Variants in ROBO1 observed in about 807,000 individuals in gnomAD.
ROBO1 encodes roundabout guidance receptor 1.
ROBO1 carries 149 observed loss-of-function variants against 195.9 expected under a neutral mutation model. That is an observed-to-expected ratio of 0.76 (90% confidence interval 0.67 to 0.87). ROBO1 has a LOEUF of 0.87. ROBO1 is among the 40% of genes least tolerant of loss of function. ROBO1 has a pLI of 0.00. For synonymous variants in ROBO1, 816 were observed against 733.2 expected (o/e 1.11, Z -1.82); for missense variants, 1,933 against 2,068.3 (o/e 0.93, Z 1.27).
intron 5 of ROBO1, among the ~76,000 whole-genome samples, chr3:78,725,188 A>T (rs907133359): frequency 5.9e-5 from 9 of 152,212 alleles, no homozygotes; most frequent in Admixed American, 4.6e-4. Context: ...CATAAGCGCT[A>T]GACAGTGCTT....
chr3:78,682,670 T>C (rs1306862967), intron 10 of ROBO1, among the ~76,000 whole-genome samples: 13 of 147,410 alleles, frequency 8.8e-5, no homozygotes, highest in Non-Finnish European at 3.0e-5. Context: ...TATATACGTA[T>C]ATATACACGT....
At chr3:78,916,629 A>T (rs1425246191) in intron 4 of ROBO1, among the ~76,000 whole-genome samples, 1 of 152,044 alleles carries the variant, frequency 6.6e-6, no homozygotes, top group Non-Finnish European at 1.5e-5. Flanking sequence ...ATCTTTTATC[A>T]ATATTTCTTA....
chr3:78,611,582 G>A (rs890845033), intron 28 of ROBO1, among the ~76,000 whole-genome samples: 18 of 152,268 alleles, frequency 1.2e-4, no homozygotes, highest in South Asian at 2.1e-4. Context: ...TTCTCCCTGC[G>A]TGCTTACGAG....
chr3:79,486,317 G>A (rs1382210523), intron 2 of ROBO1, among the ~76,000 whole-genome samples: 1 of 151,684 alleles, frequency 6.6e-6, no homozygotes, highest in Non-Finnish European at 1.5e-5. Flanking sequence ...CTTCTTTAAT[G>A]TACAAAGGTA....
chr3:79,092,473 G>T (rs771402960), intron 3 of ROBO1, among the ~76,000 whole-genome samples: 2 of 152,108 alleles, frequency 1.3e-5, no homozygotes, highest in African/African-American at 4.8e-5. Flanking sequence ...ATTGAGAATT[G>T]CCAGACAGAG....
At chr3:78,811,057 T>G (rs1158578386) in intron 4 of ROBO1, among the ~76,000 whole-genome samples, 3 of 152,132 alleles carry the variant, frequency 2.0e-5, no homozygotes, top group African/African-American at 7.2e-5. Flanking sequence ...CATGAAATTA[T>G]GCTCTCTCAC....
At chr3:78,828,082 G>A (rs191425323) in intron 4 of ROBO1, among the ~76,000 whole-genome samples, 4 of 152,260 alleles carry the variant, frequency 2.6e-5, no homozygotes, top group Admixed American at 2.0e-4. Context: ...TCCAAACTCT[G>A]TTGCTAGATT....
At chr3:79,729,181 C>G (rs982758227) in intron 1 of ROBO1, among the ~76,000 whole-genome samples, 2 of 151,982 alleles carry the variant, frequency 1.3e-5, no homozygotes, top group African/African-American at 4.8e-5. Flanking sequence ...TTTTCCCAAT[C>G]CCTTAGGAAA....
intron 3 of ROBO1, chr3:79,019,435 A>T: frequency 4.1e-6 from 4 of 986,164 alleles, no homozygotes; most frequent in Non-Finnish European, 4.8e-6. Context: ...TTCTGCTCTC[A>T]CGCTGCCTCC....
chr3:78,653,362 G>C (rs1305110505), intron 18 of ROBO1, among the ~76,000 whole-genome samples: 2 of 152,112 alleles, frequency 1.3e-5, no homozygotes, highest in African/African-American at 2.4e-5. Flanking sequence ...ACCCCTCATG[G>C]ACTGTGCAGA....
intron 1 of ROBO1, among the ~76,000 whole-genome samples, chr3:79,708,948 C>A (rs1202526279): frequency 2.6e-5 from 4 of 151,352 alleles, no homozygotes; most frequent in African/African-American, 9.7e-5. Flanking sequence ...ATTTTTTTTT[C>A]TTTATACCAG....
chr3:79,024,742 T>C (rs1420358038), intron 3 of ROBO1, among the ~76,000 whole-genome samples: 3 of 152,216 alleles, frequency 2.0e-5, no homozygotes, highest in African/African-American at 7.2e-5. Context: ...TGTGGTTATA[T>C]CTCTAATACC....
At chr3:79,404,262 G>C (rs978983269) in intron 2 of ROBO1, among the ~76,000 whole-genome samples, 11 of 152,080 alleles carry the variant, frequency 7.2e-5, no homozygotes, top group African/African-American at 1.9e-4. Flanking sequence ...AGTTACACTG[G>C]AATGTATATT....
chr3:79,613,565 T>TGAA (rs1313912603), intron 1 of ROBO1, among the ~76,000 whole-genome samples: 2 of 152,014 alleles, frequency 1.3e-5, no homozygotes, highest in Non-Finnish European at 2.9e-5. Context: ...AATAATTGCA[T>TGAA]GAAGTGTATA....
At chr3:79,712,894 G>T (rs1004650992) in intron 1 of ROBO1, among the ~76,000 whole-genome samples, 2 of 151,994 alleles carry the variant, frequency 1.3e-5, no homozygotes, top group Non-Finnish European at 2.9e-5. Context: ...CAAAGCCTAG[G>T]TGATAGTACA....
chr3:79,372,444 C>T (rs757148983), intron 2 of ROBO1, among the ~76,000 whole-genome samples: 2 of 151,932 alleles, frequency 1.3e-5, no homozygotes, highest in Non-Finnish European at 2.9e-5. Context: ...CTCTTGATCT[C>T]GTGATCTGCC....
chr3:78,805,875 A>G (rs1014103760), intron 4 of ROBO1, among the ~76,000 whole-genome samples: 5 of 152,152 alleles, frequency 3.3e-5, no homozygotes, highest in African/African-American at 7.2e-5. Context: ...TTTGTGCTAA[A>G]ATTATAAAAT....
At chr3:78,987,075 C>T (rs1049709041) in intron 3 of ROBO1, among the ~76,000 whole-genome samples, 1 of 150,824 alleles carries the variant, frequency 6.6e-6, no homozygotes, top group African/African-American at 2.4e-5. Flanking sequence ...GTTAACCTCT[C>T]CCCCCAAAAC....
At chr3:79,631,660 C>T (rs1332758800) in intron 1 of ROBO1, among the ~76,000 whole-genome samples, 1 of 152,018 alleles carries the variant, frequency 6.6e-6, no homozygotes, top group African/African-American at 2.4e-5. Flanking sequence ...TAAAAAGCTT[C>T]TTCACAGCAA....
Sources: allele counts gnomAD v4.1 joint callset (sites outside exome capture counted in the v4.1 genomes callset), GRCh38; gene constraint gnomAD v4.1.1; transcripts MANE v1.5; gene names NCBI Gene and HGNC (gene_info 2026-07-23, HGNC 2026-07-21).